Variants in FANCB observed in about 807,000 individuals in gnomAD.
FANCB encodes the protein FA complementation group B.
FANCB carries 5 observed loss-of-function variants against 38.9 expected under a neutral mutation model. The observed-to-expected ratio is 0.13, with a 90% CI of 0.07 to 0.27. The LOEUF (loss-of-function observed/expected upper bound fraction) is 0.27. Among genes scored for constraint, FANCB ranks in the 10% least tolerant of loss-of-function variants. FANCB has a pLI of 1.00. For missense variants in FANCB, 573 were observed against 602.7 expected, an observed-to-expected ratio of 0.95 and a Z score of 0.52; for synonymous variants, 236 against 215.4, an observed-to-expected ratio of 1.10 and a Z score of -0.84.
At chrX:14,756,696 C>T in the FANCB span, among the ~76,000 whole-genome samples, 1 of 111,618 alleles carries the variant, frequency 9.0e-6, no homozygotes, top group Non-Finnish European at 1.9e-5. Flanking sequence ...GCGGTCTTTG[C>T]TCACTAGAAG....
At chrX:14,706,865 A>G in the FANCB span, among the ~76,000 whole-genome samples, 5 of 112,233 alleles carry the variant, frequency 4.5e-5, no homozygotes, top group South Asian at 1.8e-3. Context: ...AAATGCTTCA[A>G]ATTATGGTAG....
the FANCB span, among the ~76,000 whole-genome samples, chrX:14,738,011 T>C: frequency 9.0e-6 from 1 of 111,721 alleles, no homozygotes; most frequent in Non-Finnish European, 1.9e-5. Flanking sequence ...ATTGATTATG[T>C]TTAATCAATG....
chrX:14,843,942 G>T lies in FANCB; in HGVS notation c.2205C>A (p.Ile735=). ...GGAAACAGTTTATAGGGAGAATTCT[G>T]ATGAGATTATGAAGGCACTGGAACA... The part of the protein sequence containing the change: ...TVMFQCLHNL[I]RILPINCFLK... Residue 735 remains isoleucine (I), a synonymous_variant, in exon 10 of 10, where the codon ATC becomes ATA. Coordinates refer to ENST00000650831, the MANE Select transcript of FANCB (RefSeq NM_001018113.3). 8.3e-7 allele frequency: 1 copy of T among 1,202,089 alleles called. No homozygotes were observed. The highest frequency in any genetic ancestry group is 3.0e-5 in the East Asian group (1 of 33,804).
At position 14,843,802 on chromosome X, in the gene FANCB, C is replaced by G; in HGVS notation, c.2345G>C (p.Ser782Thr). The stretch of plus-strand genomic sequence containing the variant: ...CACTTCACACCTCTGCATAAAATTG[C>G]TTTCATGTTTAGCTATGGCAGAAGA... ...SLSSAIAKHESNFMQRCEVSK... is the reference protein window; with the variant it reads ...SLSSAIAKHETNFMQRCEVSK... Residue 782 changes from serine to threonine, a missense_variant, in exon 10 of 10, where the codon AGC becomes ACC. Coordinates refer to ENST00000650831, the MANE Select transcript of FANCB (RefSeq NM_001018113.3). 2 of 1,210,889 alleles carry G rather than the reference C, an allele frequency of 1.7e-6. No homozygotes were observed. The highest frequency in any genetic ancestry group is 2.2e-6 in the Non-Finnish European group (2 of 894,934).
At chrX:14,799,381 T>C in the FANCB span, among the ~76,000 whole-genome samples, 1 of 112,220 alleles carries the variant, frequency 8.9e-6, no homozygotes, top group Non-Finnish European at 1.9e-5. Context: ...GGACCTCCTC[T>C]AGCCCACCAG....
At chrX:14,810,156 A>T in the FANCB span, among the ~76,000 whole-genome samples, 1 of 111,396 alleles carries the variant, frequency 9.0e-6, no homozygotes, top group East Asian at 2.8e-4. Flanking sequence ...CCCACCAAAA[A>T]CCCATCTGTA....
the FANCB span, among the ~76,000 whole-genome samples, chrX:14,756,625 A>T: frequency 8.9e-6 from 1 of 111,793 alleles, no homozygotes; most frequent in African/African-American, 3.3e-5. Context: ...CTGACCGGTC[A>T]TTACCTCCTC....
downstream of FANCB, among the ~76,000 whole-genome samples, chrX:14,841,536 A>G (rs1402590391): frequency 8.9e-6 from 1 of 112,048 alleles, no homozygotes; most frequent in Non-Finnish European, 1.9e-5. Context: ...CTTGTGTACT[A>G]TTAGAATTCT....
intron 7 of FANCB, among the ~76,000 whole-genome samples, chrX:14,848,560 A>G (rs1367752122): frequency 2.7e-5 from 3 of 111,395 alleles, no homozygotes; most frequent in African/African-American, 9.8e-5. Flanking sequence ...GTTTCCATGG[A>G]TTGTTAGTAA....
At chrX:14,824,750 T>G in the FANCB span, among the ~76,000 whole-genome samples, 1 of 112,383 alleles carries the variant, frequency 8.9e-6, no homozygotes, top group Admixed American at 9.4e-5. Flanking sequence ...TCCTAAATTC[T>G]TTTTGAGTGT....
At chrX:14,711,875 T>C in the FANCB span, among the ~76,000 whole-genome samples, 1 of 112,319 alleles carries the variant, frequency 8.9e-6, no homozygotes, top group African/African-American at 3.2e-5. Context: ...GAGATTATCT[T>C]ACAATAATTT....
intron 3 of FANCB, among the ~76,000 whole-genome samples, chrX:14,862,551 C>A (rs1200552701): frequency 3.6e-5 from 4 of 111,706 alleles, no homozygotes; most frequent in African/African-American, 1.3e-4. Context: ...GTGACGATTG[C>A]AATTAATGAC....
the FANCB span, among the ~76,000 whole-genome samples, chrX:14,702,913 G>T: frequency 9.2e-4 from 103 of 111,446 alleles, no homozygotes; most frequent in African/African-American, 3.2e-3. Context: ...AGGACAAGGG[G>T]ACTCCCAGTG....
intron 1 of FANCB, among the ~76,000 whole-genome samples, chrX:14,871,054 T>C (rs1367854653): frequency 9.0e-6 from 1 of 111,257 alleles, no homozygotes; most frequent in East Asian, 2.8e-4. Flanking sequence ...ATAAGTTATT[T>C]ATTGGGTCCT....
chrX:14,699,561 A>T, the FANCB span, among the ~76,000 whole-genome samples: 1 of 112,518 alleles, frequency 8.9e-6, no homozygotes, highest in South Asian at 3.7e-4. Context: ...CAATCATATG[A>T]AACACTTATT....
At chrX:14,827,437 C>CACAT in the FANCB span, among the ~76,000 whole-genome samples, 1 of 111,965 alleles carries the variant, frequency 8.9e-6, no homozygotes, top group African/African-American at 3.2e-5. Flanking sequence ...TCAGATCTTA[C>CACAT]ACATTTCTTG....
At chrX:14,792,410 G>A in the FANCB span, among the ~76,000 whole-genome samples, 4 of 110,385 alleles carry the variant, frequency 3.6e-5, no homozygotes, top group Non-Finnish European at 5.7e-5. Flanking sequence ...GTCCCTCCTC[G>A]AAGTGAAGCA....
the FANCB span, among the ~76,000 whole-genome samples, chrX:14,716,774 G>A: frequency 9.0e-6 from 1 of 110,941 alleles, no homozygotes; most frequent in Non-Finnish European, 1.9e-5. Flanking sequence ...TAATATGAAT[G>A]GGAAGCAATA....
chrX:14,734,242 C>T, the FANCB span, among the ~76,000 whole-genome samples: 5 of 112,234 alleles, frequency 4.5e-5, no homozygotes, highest in African/African-American at 1.6e-4. Flanking sequence ...TTAACTTGGA[C>T]TATTTCTTAT....
Sources: allele counts gnomAD v4.1 joint callset (sites outside exome capture counted in the v4.1 genomes callset), GRCh38; gene constraint gnomAD v4.1.1; transcripts MANE v1.5; gene names NCBI Gene and HGNC (gene_info 2026-07-23, HGNC 2026-07-21).